The following C2orf69 variants were observed in gnomAD, a reference collection of about 807,000 sequenced individuals.
C2orf69 encodes the protein mitochondrial protein C2orf69.
In C2orf69, 19 loss-of-function variants were observed where a neutral mutation model predicts 29.5. The observed-to-expected ratio is 0.65, with a 90% confidence interval of 0.45 to 0.95. The LOEUF (loss-of-function observed/expected upper bound fraction) is 0.95. Among genes scored for constraint, C2orf69 ranks in the 40% least tolerant of loss-of-function variants. The pLI is 0.00. For synonymous variants in C2orf69, 194 were observed against 180.0 expected, an observed-to-expected ratio of 1.08 and a Z score of -0.62; for missense variants, 416 against 482.1, an observed-to-expected ratio of 0.86 and a Z score of 1.28.
chr2:199,923,184 G>C (rs1431462809), intron 1 of C2orf69, among the ~76,000 whole-genome samples: 2 of 152,156 alleles, frequency 1.3e-5, no homozygotes, highest in African/African-American at 4.8e-5. Flanking sequence ...ACCATTCTGT[G>C]TTAAGTAATA....
At chr2:199,916,792 C>G (rs1393957072) in intron 1 of C2orf69, among the ~76,000 whole-genome samples, 1 of 152,206 alleles carries the variant, frequency 6.6e-6, no homozygotes, top group Non-Finnish European at 1.5e-5. Flanking sequence ...TACAGCCCCC[C>G]TCCAGGCTGC....
At chr2:199,924,933 T>G in intron 1 of C2orf69, 129 bp from the exon 2 acceptor site, 1 of 606,774 alleles carries the variant, frequency 1.6e-6, no homozygotes, top group Non-Finnish European at 2.9e-6. Context: ...ATAGTTTTCA[T>G]TTCTAGTGTA....
At chr2:199,918,047 G>C (rs1318937056) in intron 1 of C2orf69, among the ~76,000 whole-genome samples, 2 of 152,122 alleles carry the variant, frequency 1.3e-5, no homozygotes, top group Admixed American at 1.3e-4. Flanking sequence ...AAACCATCTT[G>C]TAAAAACTCA....
intron 1 of C2orf69, among the ~76,000 whole-genome samples, chr2:199,913,329 ATATT>A (rs1340638205): frequency 9.7e-6 from 1 of 102,594 alleles, no homozygotes; most frequent in Admixed American, 1.5e-4. Flanking sequence ...TATATAATAT[ATATT>A]CTATTATAAT....
chr2:199,918,334 C>G (rs1035138077), intron 1 of C2orf69, among the ~76,000 whole-genome samples: 1 of 151,584 alleles, frequency 6.6e-6, no homozygotes, highest in Admixed American at 6.6e-5. Context: ...TATATGTATC[C>G]CCTTTATTTT....
At position 199,925,773 on chromosome 2, in the gene C2orf69, A is replaced by C; in HGVS notation, c.1045A>C (p.Lys349Gln). ...PMRSWIGKEH[K>Q]KFVQILGDLG... The stretch of plus-strand genomic sequence containing the variant: ...GAGATCTTGGATTGGAAAGGAGCAC[A>C]AGAAATTTGTTCAGATACTTGGGGA... Residue 349 changes from lysine (K) to glutamine (Q), a missense_variant, in exon 2 of 2, where the codon AAG becomes CAG. This residue lies in a region of C2orf69 where 225 missense variants were observed against 307.3 expected (regional missense o/e 0.73). Coordinates refer to ENST00000319974, the MANE Select transcript of C2orf69 (RefSeq NM_153689.6). This position sits in a 1 kb window ranked among gnomAD's most constrained non-coding sequence, Gnocchi z 4.9. The C allele has an allele frequency of 6.2e-7, 1 of 1,613,940 alleles. No individual in the cohort carries two copies. Among genetic ancestry groups the C allele is most frequent in the Non-Finnish European group, 8.5e-7 (1 of 1,179,840 alleles).
intron 1 of C2orf69, among the ~76,000 whole-genome samples, chr2:199,923,256 TAATA>T (rs1404986053): frequency 6.6e-6 from 1 of 152,240 alleles, no homozygotes; most frequent in Non-Finnish European, 1.5e-5. Context: ...TACCAACATC[TAATA>T]TATATATTTT....
chr2:199,911,562 C>A lies in C2orf69; in HGVS notation c.124C>A (p.Arg42=), dbSNP rs1438023557. 3 of 1,549,734 alleles carry A rather than the reference C, an allele frequency of 1.9e-6. No individual in the cohort carries two copies. In the South Asian group the frequency reaches 3.6e-5, roughly 18 times the overall value. Residue 42 remains arginine (R), a synonymous_variant, in exon 1 of 2, where the codon CGA becomes AGA. Coordinates refer to ENST00000319974, the MANE Select transcript of C2orf69 (RefSeq NM_153689.6). ...TMNPGGSGGA[R]CSLSAEVRRR... is the part of the protein sequence containing the mutation. ...GAACCCGGGCGGCAGCGGCGGCGCG[C>A]GATGCTCCCTCTCGGCCGAGGTGCG...
At position 199,926,306 on chromosome 2, in the gene C2orf69, A is replaced by G. The variant is rs2077334857; in HGVS notation, c.*420A>G. ...GTGGAAATATTTTCATTTCTCTTCA[A>G]ACAAAAGCAAAGGTACGATGCTGTT... is the stretch of plus-strand genomic sequence containing the variant. On this transcript the variant is annotated 3_prime_UTR_variant, in exon 2 of 2. Coordinates refer to ENST00000319974, the MANE Select transcript of C2orf69 (RefSeq NM_153689.6). 6.2e-6 allele frequency: 1 copy of G among 161,448 alleles called. No homozygotes were observed. The allele number at this position is 161,448 out of a possible 1,614,324, so 10.0% of individuals were successfully genotyped here.
chr2:199,917,670 A>C (rs2077298646), intron 1 of C2orf69, among the ~76,000 whole-genome samples: 1 of 152,198 alleles, frequency 6.6e-6, no homozygotes, highest in Non-Finnish European at 1.5e-5. Context: ...AAAGCCATTC[A>C]ACAAGTCTCT....
intron 1 of C2orf69, among the ~76,000 whole-genome samples, chr2:199,913,542 A>G (rs2077282640): frequency 7.9e-6 from 1 of 126,592 alleles, no homozygotes; most frequent in Non-Finnish European, 1.6e-5. Flanking sequence ...TATATAATAT[A>G]TATAAAATAT....
At chr2:199,913,234 A>ATATATAATATAT in intron 1 of C2orf69, among the ~76,000 whole-genome samples, 1 of 35,342 alleles carries the variant, frequency 2.8e-5, no homozygotes, top group African/African-American at 1.1e-4. Flanking sequence ...ATATATTATA[A>ATATATAATATAT]TATATATAAT....
At position 199,926,851 on chromosome 2, in the gene C2orf69, C is replaced by T. The variant is rs2077337020; in HGVS notation, c.*965C>T. 1 of 152,456 alleles carries T rather than the reference C, an allele frequency of 6.6e-6. No individual in the cohort carries two copies. The highest frequency in any genetic ancestry group is 2.4e-5 in the African/African-American group (1 of 41,382). The allele number at this position is 152,456 out of a possible 1,614,324, so 9.4% of individuals were successfully genotyped here. A position where few individuals can be genotyped will look rare whatever the true frequency, so the allele number is the denominator to read the frequency against. On this transcript the variant is annotated 3_prime_UTR_variant, in exon 2 of 2. Coordinates refer to ENST00000319974, the MANE Select transcript of C2orf69 (RefSeq NM_153689.6). ...GCAAATTTCAAATTTTTCATTATAT[C>T]AGTCTTTTTGAAAGGATCAACTTGG...
intron 1 of C2orf69, among the ~76,000 whole-genome samples, chr2:199,921,492 C>T (rs748764079): frequency 3.9e-5 from 6 of 151,924 alleles, no homozygotes; most frequent in Non-Finnish European, 5.9e-5. Flanking sequence ...CAAATTAAAT[C>T]AAAAGTAAGA....
chr2:199,922,200 A>G lies in C2orf69; in HGVS notation c.334-2862A>G, dbSNP rs535780517. On this transcript the variant is annotated intron_variant, in intron 1 of 1. Transcript: ENST00000319974. Reference sequence around the variant, plus strand: ...AACCTCCACCTCCTGGGCTCAAGCCATCTTCCCACTTCAGCCTCCCGAGTA... The same window carrying G: ...AACCTCCACCTCCTGGGCTCAAGCCGTCTTCCCACTTCAGCCTCCCGAGTA... Among the ~76,000 whole-genome samples, 60 of 151,642 alleles carry G rather than the reference A, an allele frequency of 4.0e-4. No individual in the cohort carries two copies. The East Asian group carries it at 0.011, about 29-fold the overall frequency.
intron 1 of C2orf69, among the ~76,000 whole-genome samples, chr2:199,921,001 GTTTTT>G (rs71019096): frequency 3.0e-5 from 2 of 67,048 alleles, no homozygotes; most frequent in African/African-American, 1.2e-4. Context: ...CTAGGAATTA[GTTTTT>G]TTTTTTTTTT....
chr2:199,925,692 C>T lies in C2orf69; in HGVS notation c.964C>T (p.Gln322Ter). The T allele has an allele frequency of 1.2e-6, 2 of 1,613,846 alleles. No homozygotes were observed. Among genetic ancestry groups the T allele is most frequent in the Non-Finnish European group, 1.7e-6 (2 of 1,179,804 alleles). ...TYPEVLKEFA[Q>*]TGIIVHTHVT... Reference sequence around the variant, plus strand: ...TCCAGAAGTCTTGAAAGAATTTGCACAAACAGGAATTATCGTTCACACTCA... The same window carrying T: ...TCCAGAAGTCTTGAAAGAATTTGCATAAACAGGAATTATCGTTCACACTCA... The change falls in exon 2 of 2, where the codon CAA becomes TAA. Residue 322 changes from glutamine (Q) to a stop codon, truncating the protein, a stop_gained. Coordinates refer to ENST00000319974, the MANE Select transcript of C2orf69 (RefSeq NM_153689.6). LOFTEE classifies it high-confidence loss of function. The surrounding 1 kb of genome is among the most constrained non-coding windows in gnomAD (Gnocchi z 4.9).
chr2:199,918,978 G>T (rs1032192770), intron 1 of C2orf69, among the ~76,000 whole-genome samples: 2 of 152,002 alleles, frequency 1.3e-5, no homozygotes, highest in African/African-American at 4.8e-5. Context: ...TTGAGACAGG[G>T]TCTAGCTCTG....
Position 199,925,349 on chromosome 2 carries a change from G to C in C2orf69, c.621G>C (p.Leu207Phe). The change falls in exon 2 of 2, where the codon TTG becomes TTC. Residue 207 changes from leucine to phenylalanine, a missense_variant. Transcript: ENST00000319974. The surrounding 1 kb of genome is among the most constrained non-coding windows in gnomAD (Gnocchi z 4.9). ...AGAATAGTTTATCAAAGAAAAGTTT[G>C]AATGTTTGGAATAAGGACTCCATAG... The part of the protein sequence containing the change: ...LSQNSLSKKS[L>F]NVWNKDSIAS... 2 of 1,613,500 alleles carry C rather than the reference G, an allele frequency of 1.2e-6. No homozygotes were observed. The highest frequency in any genetic ancestry group is 1.7e-6 in the Non-Finnish European group (2 of 1,179,708).
Sources: gnomAD v4.1 joint callset for allele counts (sites outside exome capture counted in the v4.1 genomes callset) on GRCh38, gnomAD v4.1.1 for gene constraint, gnomAD v4.1.1 regional missense constraint, Gnocchi (gnomAD v3.1) non-coding constraint, MANE v1.5 for transcripts, NCBI Gene and HGNC (gene_info 2026-07-23, HGNC 2026-07-21) for gene names.